The following SGK1 variants were observed in gnomAD, a reference collection of about 807,000 sequenced individuals.
The protein encoded by SGK1 is serine/threonine-protein kinase Sgk1.
SGK1 carries 26 observed loss-of-function variants against 64.2 expected under a neutral mutation model. The ratio of observed to expected loss-of-function variants is 0.40; its 90% CI spans 0.30 to 0.56. The LOEUF is 0.56. SGK1 is among the 20% of genes least tolerant of loss of function. SGK1 has a pLI of 0.38. For synonymous variants in SGK1, 265 were observed against 239.7 expected, an observed-to-expected ratio of 1.11 and a Z score of -0.98; for missense variants, 519 against 645.6, an observed-to-expected ratio of 0.80 and a Z score of 2.12.
intron 3 of SGK1, among the ~76,000 whole-genome samples, chr6:134,188,342 G>A (rs1775455300): frequency 6.6e-6 from 1 of 151,988 alleles, no homozygotes; most frequent in South Asian, 2.1e-4. Context: ...ATTGGCCACA[G>A]CCCATAAATT....
At chr6:134,230,168 T>G (rs146186550) in intron 2 of SGK1, among the ~76,000 whole-genome samples, 1 of 152,132 alleles carries the variant, frequency 6.6e-6, no homozygotes, top group African/African-American at 2.4e-5. Flanking sequence ...CTATGAAAAA[T>G]CAGCCTCAAA....
chr6:134,171,342 C>T (rs1260965475), intron 11 of SGK1, 164 bp from the exon 12 acceptor site: 5 of 702,874 alleles, frequency 7.1e-6, no homozygotes, highest in Admixed American at 2.7e-5. Flanking sequence ...GTCTACTTTG[C>T]AACCCGTGTG....
chr6:134,241,725 A>C (rs1387215623), intron 2 of SGK1, among the ~76,000 whole-genome samples: 1 of 152,124 alleles, frequency 6.6e-6, no homozygotes, highest in Non-Finnish European at 1.5e-5. Flanking sequence ...GGTTCAGGCC[A>C]TTCTCCTGCC....
intron 3 of SGK1, among the ~76,000 whole-genome samples, chr6:134,185,984 G>A (rs1007296355): frequency 6.6e-6 from 1 of 152,058 alleles, no homozygotes; most frequent in Non-Finnish European, 1.5e-5. Context: ...GCATTAGTGG[G>A]GGCGGGTCTT....
At chr6:134,243,151 T>C (rs913910698) in intron 2 of SGK1, among the ~76,000 whole-genome samples, 4 of 152,222 alleles carry the variant, frequency 2.6e-5, no homozygotes, top group African/African-American at 9.6e-5. Context: ...CCTTTGGTTA[T>C]AGAAAATATA....
chr6:134,279,771 A>G (rs1777066955), intron 1 of SGK1, among the ~76,000 whole-genome samples: 1 of 152,208 alleles, frequency 6.6e-6, no homozygotes. Flanking sequence ...TTATAAAACC[A>G]GCACTCAAAA....
At chr6:134,297,222 C>A (rs185489937) in intron 1 of SGK1, 7 of 960,818 alleles carry the variant, frequency 7.3e-6, no homozygotes, top group Admixed American at 1.8e-5. Flanking sequence ...AGACTCCAGC[C>A]GGCATTTCTA....
chr6:134,174,886 C>A, intron 3 of SGK1: 1 of 1,593,962 alleles, frequency 6.3e-7, no homozygotes, highest in Non-Finnish European at 8.5e-7. Context: ...CGCGCTCGGC[C>A]TTATAAAAAA....
At chr6:134,177,920 A>C in intron 3 of SGK1, 3 of 1,266,942 alleles carry the variant, frequency 2.4e-6, no homozygotes, top group Non-Finnish European at 3.2e-6. Flanking sequence ...TGCAAAGTTC[A>C]ACACTGGGCC....
At position 134,216,973 on chromosome 6, in the gene SGK1, T is replaced by C. The variant is rs973945052; in HGVS notation, c.286-9542A>G. 1.6e-4 allele frequency among the ~76,000 whole-genome samples: 24 copies of C among 152,260 alleles called. No homozygotes were observed. The East Asian group carries it at 2.3e-3, about 15-fold the overall frequency. Reference sequence around the variant, plus strand: ...AGTGCAAGACTCATGGGCGAAATCATTGGAAGCCACATGGTGGAAGGCTTT... The same window carrying C: ...AGTGCAAGACTCATGGGCGAAATCACTGGAAGCCACATGGTGGAAGGCTTT... On this transcript the variant is annotated intron_variant, in intron 2 of 13. Coordinates refer to ENST00000367858, the MANE Select transcript of SGK1 (RefSeq NM_001143676.3).
intron 2 of SGK1, among the ~76,000 whole-genome samples, chr6:134,231,855 C>T (rs559132496): frequency 2.7e-5 from 4 of 150,414 alleles, no homozygotes; most frequent in Admixed American, 2.0e-4. Flanking sequence ...GCCTGGCCAA[C>T]ATGGTGAAAC....
intron 2 of SGK1, among the ~76,000 whole-genome samples, chr6:134,258,793 T>C (rs1454016349): frequency 6.6e-6 from 1 of 152,038 alleles, no homozygotes; most frequent in African/African-American, 2.4e-5. Context: ...AGAAGTTTGA[T>C]ACCAACCTGT....
chr6:134,206,358 TATATATATATATATATA>T (rs1775773668), intron 3 of SGK1, among the ~76,000 whole-genome samples: 3 of 8,224 alleles, frequency 3.6e-4, no homozygotes, highest in South Asian at 4.7e-3. Flanking sequence ...TATATATATA[TATATATATATATATATA>T]TATATATATT....
At chr6:134,248,422 T>A (rs944200758) in intron 2 of SGK1, among the ~76,000 whole-genome samples, 36 of 150,838 alleles carry the variant, frequency 2.4e-4, no homozygotes, top group Admixed American at 2.2e-3. Flanking sequence ...AGAAGCATCT[T>A]AGAAACACCT....
At chr6:134,239,108 G>A (rs1304249362) in intron 2 of SGK1, among the ~76,000 whole-genome samples, 2 of 152,190 alleles carry the variant, frequency 1.3e-5, no homozygotes, top group East Asian at 3.8e-4. Flanking sequence ...CATTACCTCA[G>A]ACCAACAGTA....
chr6:134,293,806 G>A (rs1177894870), intron 1 of SGK1, among the ~76,000 whole-genome samples: 9 of 152,056 alleles, frequency 5.9e-5, no homozygotes, highest in East Asian at 3.8e-4. Flanking sequence ...CCTTGATGAC[G>A]CATGGCAGAA....
chr6:134,268,047 G>C (rs1454483910), intron 1 of SGK1, among the ~76,000 whole-genome samples: 1 of 152,194 alleles, frequency 6.6e-6, no homozygotes, highest in African/African-American at 2.4e-5. Flanking sequence ...TTGCTCTTGA[G>C]AGAGTGGCTG....
At chr6:134,207,735 T>C (rs1386839321) in intron 2 of SGK1, among the ~76,000 whole-genome samples, 1 of 152,220 alleles carries the variant, frequency 6.6e-6, no homozygotes, top group Non-Finnish European at 1.5e-5. Flanking sequence ...CTATGTGCAG[T>C]GCACAAACTG....
chr6:134,302,561 A>G (rs958506111), intron 1 of SGK1, among the ~76,000 whole-genome samples: 2 of 152,186 alleles, frequency 1.3e-5, no homozygotes, highest in African/African-American at 4.8e-5. Flanking sequence ...CATCAGTAAA[A>G]TCACAACTTA....
Sources: allele counts gnomAD v4.1 joint callset (sites outside exome capture counted in the v4.1 genomes callset), GRCh38; gene constraint gnomAD v4.1.1; transcripts MANE v1.5; gene names NCBI Gene and HGNC (gene_info 2026-07-23, HGNC 2026-07-21).